Variants in STX19 observed in about 807,000 individuals in gnomAD.
STX19 encodes syntaxin 19.
Under a neutral mutation model 24.3 loss-of-function variants are expected in STX19, and 26 were observed. The ratio of observed to expected loss-of-function variants is 1.07; its 90% CI spans 0.78 to 1.48. The LOEUF is 1.48. Ranked by LOEUF, STX19 falls within the 40% of genes most tolerant of loss-of-function variation. The probability of loss-of-function intolerance (pLI) is 0.00; values close to 1 mark genes in which losing one functional copy is unlikely to be tolerated. For missense variants in STX19, 367 were observed against 331.9 expected (o/e 1.11, Z -0.82); for synonymous variants, 116 against 106.9 (o/e 1.09, Z -0.52).
intron 1 of STX19, among the ~76,000 whole-genome samples, chr3:94,026,300 C>T (rs1576007096): frequency 6.6e-6 from 1 of 152,236 alleles, no homozygotes; most frequent in Non-Finnish European, 1.5e-5. Flanking sequence ...TTTAAACTTA[C>T]GATTACATCA....
chr3:94,020,139 T>A (rs1387492123), intron 1 of STX19, among the ~76,000 whole-genome samples: 1 of 152,180 alleles, frequency 6.6e-6, no homozygotes. Context: ...TGGTACCTCA[T>A]AGAGTTAATA....
At chr3:94,022,169 G>C (rs2076462650) in intron 1 of STX19, among the ~76,000 whole-genome samples, 1 of 151,948 alleles carries the variant, frequency 6.6e-6, no homozygotes, top group Non-Finnish European at 1.5e-5. Flanking sequence ...TGTCACCCAG[G>C]CTGGAGTGCA....
At position 94,014,697 on chromosome 3, in the gene STX19, C is replaced by A; in HGVS notation, c.573G>T (p.Trp191Cys). Residue 191 changes from tryptophan (W) to cysteine (C), a missense_variant, in exon 2 of 2, where the codon TGG becomes TGT. Trp to Cys is a radical substitution (Grantham distance 215). Coordinates refer to ENST00000315099, the MANE Select transcript of STX19 (RefSeq NM_001001850.3). ...TAAGTAAGCTTTCATTAAAAACTTC[C>A]CATTTTCCTTGATGAAGCATATCAT... ...DVNDMLHQGK[W>C]EVFNESLLTE... 6.2e-7 allele frequency: 1 copy of A among 1,612,958 alleles called. No homozygotes were observed. Among genetic ancestry groups the A allele is most frequent in the Non-Finnish European group, 8.5e-7 (1 of 1,179,808 alleles).
At chr3:94,020,827 CT>C (rs2076431963) in intron 1 of STX19, among the ~76,000 whole-genome samples, 1 of 152,080 alleles carries the variant, frequency 6.6e-6, no homozygotes. Context: ...AGCCGGTAAT[CT>C]TTTGTTTTTG....
rs962044461 is a variant in STX19, at chr3:94,018,065, A to T, written c.-13-2783T>A. Reference sequence around the variant, plus strand: ...ATTTTTTCATTTTGATATGTAATTTAAAAAAATTTTAAACTGATACAGGGG... The same window carrying T: ...ATTTTTTCATTTTGATATGTAATTTTAAAAAATTTTAAACTGATACAGGGG... On this transcript the variant is annotated intron_variant, in intron 1 of 1. Transcript: ENST00000315099. Among the ~76,000 whole-genome samples, 5 of 152,278 alleles carry T rather than the reference A, an allele frequency of 3.3e-5. No homozygotes were observed. In the East Asian group the frequency reaches 5.8e-4, roughly 18 times the overall value.
In STX19 at chr3:94,019,578, C is replaced by A. The variant is rs953561372; in HGVS notation, c.-13-4296G>T. ...TTTCCTTTTTGCACCAACTACCCCC[C>A]ATCCTGCCCCCACCACAAAACCTCT... On this transcript the variant is annotated intron_variant, in intron 1 of 1. Transcript: ENST00000315099. 2.6e-5 allele frequency among the ~76,000 whole-genome samples: 4 copies of A among 151,576 alleles called. No individual in the cohort carries two copies. The South Asian group carries it at 6.3e-4, about 24-fold the overall frequency.
intron 1 of STX19, among the ~76,000 whole-genome samples, chr3:94,024,511 G>C (rs190636168): frequency 6.6e-6 from 1 of 152,264 alleles, no homozygotes; most frequent in East Asian, 1.9e-4. Context: ...TGGTTGCATG[G>C]TTTGGAACAA....
chr3:94,015,574 GT>G (rs917083430), intron 1 of STX19, among the ~76,000 whole-genome samples: 12 of 151,322 alleles, frequency 7.9e-5, no homozygotes, highest in South Asian at 2.1e-4. Context: ...TCACATGATA[GT>G]TTTTTTTTGT....
chr3:94,026,783 A>G (rs1452918230), intron 1 of STX19, among the ~76,000 whole-genome samples: 3 of 152,148 alleles, frequency 2.0e-5, no homozygotes, highest in Non-Finnish European at 4.4e-5. Flanking sequence ...ATCTTTTATT[A>G]TGTTTAACTT....
At chr3:94,017,100 A>G (rs1292714848) in intron 1 of STX19, among the ~76,000 whole-genome samples, 6 of 152,198 alleles carry the variant, frequency 3.9e-5, no homozygotes, top group African/African-American at 7.2e-5. Context: ...ATATTTTGAG[A>G]TGGAAGTTCT....
intron 1 of STX19, among the ~76,000 whole-genome samples, chr3:94,027,358 T>C (rs1440150162): frequency 1.3e-5 from 2 of 152,090 alleles, no homozygotes; most frequent in Non-Finnish European, 2.9e-5. Flanking sequence ...TTTTTTGCAA[T>C]GTAAACTTTC....
chr3:94,025,433 T>C (rs889554075), intron 1 of STX19, among the ~76,000 whole-genome samples: 1 of 152,220 alleles, frequency 6.6e-6, no homozygotes, highest in South Asian at 2.1e-4. Flanking sequence ...ATCCTATGCC[T>C]GTATTTCTTT....
chr3:94,022,522 T>C (rs2076470128), intron 1 of STX19, among the ~76,000 whole-genome samples: 1 of 152,142 alleles, frequency 6.6e-6, no homozygotes, highest in Non-Finnish European at 1.5e-5. Context: ...CTTCCCCCTT[T>C]TAATACAGTT....
chr3:94,017,868 T>G (rs1351929957), intron 1 of STX19, among the ~76,000 whole-genome samples: 1 of 151,810 alleles, frequency 6.6e-6, no homozygotes, highest in African/African-American at 2.4e-5. Flanking sequence ...AAGAACAAAG[T>G]GAATGTAGAT....
intron 1 of STX19, among the ~76,000 whole-genome samples, chr3:94,021,221 T>G (rs2076441839): frequency 6.6e-6 from 1 of 150,742 alleles, no homozygotes; most frequent in South Asian, 2.1e-4. Context: ...TGAGACAGGG[T>G]CTCGCTCTGT....
intron 1 of STX19, among the ~76,000 whole-genome samples, chr3:94,019,009 G>A (rs1299778932): frequency 2.0e-5 from 3 of 152,210 alleles, no homozygotes; most frequent in African/African-American, 7.2e-5. Context: ...CAGGCGATCC[G>A]CCCTCTTCGG....
At chr3:94,026,160 C>T (rs948411462) in intron 1 of STX19, among the ~76,000 whole-genome samples, 2 of 152,068 alleles carry the variant, frequency 1.3e-5, no homozygotes, top group African/African-American at 4.8e-5. Flanking sequence ...GCTGGGACTA[C>T]AGGCGCCCGC....
intron 1 of STX19, among the ~76,000 whole-genome samples, chr3:94,019,154 A>C (rs1252486794): frequency 6.6e-6 from 1 of 151,974 alleles, no homozygotes; most frequent in African/African-American, 2.4e-5. Context: ...ATTTGGATCT[A>C]GCCACCTCTT....
chr3:94,023,005 G>A (rs571165794), intron 1 of STX19, among the ~76,000 whole-genome samples: 289 of 151,542 alleles, frequency 1.9e-3, no homozygotes, highest in Non-Finnish European at 3.5e-3. Flanking sequence ...TCCTTTCCTG[G>A]AAACTCTAAT....
Sources: allele counts gnomAD v4.1 joint callset (sites outside exome capture counted in the v4.1 genomes callset), GRCh38; gene constraint gnomAD v4.1.1; transcripts MANE v1.5; gene names NCBI Gene and HGNC (gene_info 2026-07-23, HGNC 2026-07-21).